The following XKR9 variants were observed in gnomAD, a reference collection of about 807,000 sequenced individuals.
XKR9 encodes the protein XK-related protein 9.
In XKR9, 32 loss-of-function variants were observed where a neutral mutation model predicts 32.0. That is an observed-to-expected ratio of 1.00 (90% CI 0.76 to 1.34). The LOEUF is 1.34. Ranked by LOEUF, XKR9 falls within the 40% of genes most tolerant of loss-of-function variation. XKR9 has a pLI of 0.00. For synonymous variants in XKR9, 168 were observed against 143.4 expected (o/e 1.17, Z -1.22); for missense variants, 546 against 429.7 (o/e 1.27, Z -2.39).
rs1248137670 is a variant in XKR9, at chr8:70,746,128, C to T, written n.352+38975C>T. On this transcript the variant is annotated intron_variant and non_coding_transcript_variant, in intron 2 of 3. Transcript: ENST00000520273. ...ATTTTGTGAAAGTGGGACTTAAGTA[C>T]TTTTTTAAAATGTTAAACAGCATAT... Among the ~76,000 whole-genome samples, 5 of 151,208 alleles carry T rather than the reference C, an allele frequency of 3.3e-5. No individual in the cohort carries two copies. In the East Asian group the frequency reaches 9.6e-4, roughly 29 times the overall value.
Position 70,761,619 on chromosome 8 carries a change from G to A in XKR9, n.353-27720G>A, listed in dbSNP as rs193039341. ...ATTAGACCTTTGTCAGATGCAGTTC[G>A]CAAACATTTTCTTTCATTCTGTAAG... On this transcript the variant is annotated intron_variant and non_coding_transcript_variant, in intron 2 of 3. Coordinates refer to the XKR9 transcript ENST00000520273. Among the ~76,000 whole-genome samples, 5 of 151,890 alleles carry A rather than the reference G, an allele frequency of 3.3e-5. No homozygotes were observed. In the East Asian group the frequency reaches 5.8e-4, roughly 18 times the overall value.
the XKR9 span, among the ~76,000 whole-genome samples, chr8:70,853,315 GA>G: frequency 1.3e-5 from 2 of 151,842 alleles, no homozygotes; most frequent in Admixed American, 6.6e-5. Context: ...AAAATAGTTA[GA>G]AAAAATAGAT....
the XKR9 span, among the ~76,000 whole-genome samples, chr8:70,917,931 C>T: frequency 6.6e-6 from 1 of 152,172 alleles, no homozygotes; most frequent in Non-Finnish European, 1.5e-5. Context: ...CCATGCCCCA[C>T]ACTTAGAACA....
chr8:70,830,105 A>G, the XKR9 span, among the ~76,000 whole-genome samples: 1 of 152,158 alleles, frequency 6.6e-6, no homozygotes, highest in Admixed American at 6.5e-5. Flanking sequence ...TATGTATAGA[A>G]ATTTTAAAAG....
the XKR9 span, among the ~76,000 whole-genome samples, chr8:70,877,166 A>G: frequency 6.6e-6 from 1 of 152,070 alleles, no homozygotes; most frequent in African/African-American, 2.4e-5. Flanking sequence ...TTTCCTTTGA[A>G]AACCATCAGA....
At chr8:71,041,483 G>A in the XKR9 span, among the ~76,000 whole-genome samples, 4 of 152,138 alleles carry the variant, frequency 2.6e-5, no homozygotes, top group African/African-American at 7.2e-5. Flanking sequence ...AAATTCCTAT[G>A]TGTTCACTAT....
the XKR9 span, among the ~76,000 whole-genome samples, chr8:70,853,544 CT>C: frequency 7.4e-5 from 11 of 148,224 alleles, no homozygotes; most frequent in South Asian, 2.2e-4. Context: ...AAAAGACATT[CT>C]TTTTTTTTTA....
In XKR9 at chr8:70,732,278, G is replaced by T. The variant is rs1412996517; in HGVS notation, c.494-1518G>T. ...ACCAAACCAGACACCTTGTAATAGA[G>T]TTACAGCTACAGACACTCTGCCATG... On this transcript the variant is annotated intron_variant, in intron 4 of 4. Coordinates refer to ENST00000408926, the MANE Select transcript of XKR9 (RefSeq NM_001011720.2). Among the ~76,000 whole-genome samples, 6 of 152,240 alleles carry T rather than the reference G, an allele frequency of 3.9e-5. 1 individual carries two copies. The highest frequency in any genetic ancestry group is 8.8e-5 in the Non-Finnish European group (6 of 68,046).
intron 4 of XKR9, among the ~76,000 whole-genome samples, chr8:70,724,121 C>CCATTTTGCT (rs545532150): frequency 2.9e-3 from 447 of 152,250 alleles, no homozygotes; most frequent in Middle Eastern, 0.014. Context: ...CTGGCCACAG[C>CCATTTTGCT]CATTTTGCTG....
At chr8:70,761,937 C>A (rs1378254655) in intron 2 of XKR9, among the ~76,000 whole-genome samples, 1 of 152,002 alleles carries the variant, frequency 6.6e-6, no homozygotes, top group Non-Finnish European at 1.5e-5. Flanking sequence ...TCTCCCAGCA[C>A]CATTTATTAA....
At chr8:71,041,520 T>C in the XKR9 span, among the ~76,000 whole-genome samples, 92,150 of 151,946 alleles carry the variant, frequency 0.61, 29,806 homozygotes, top group East Asian at 0.93. Context: ...TAAGATAAAA[T>C]GATCGAACTC....
At chr8:70,813,495 T>A in the XKR9 span, among the ~76,000 whole-genome samples, 2 of 151,916 alleles carry the variant, frequency 1.3e-5, no homozygotes, top group East Asian at 3.9e-4. Context: ...ACCATCAGAG[T>A]GAACAGGCAA....
chr8:70,926,544 T>G, the XKR9 span, among the ~76,000 whole-genome samples: 1 of 152,224 alleles, frequency 6.6e-6, no homozygotes, highest in Non-Finnish European at 1.5e-5. Context: ...ATAATTTTCT[T>G]TAGAACACAA....
At chr8:70,820,787 A>G in the XKR9 span, among the ~76,000 whole-genome samples, 8 of 152,202 alleles carry the variant, frequency 5.3e-5, no homozygotes, top group East Asian at 1.9e-4. Flanking sequence ...TCATTATCAC[A>G]TGAAGAGCAT....
At chr8:70,920,989 T>C in the XKR9 span, among the ~76,000 whole-genome samples, 1 of 152,330 alleles carries the variant, frequency 6.6e-6, no homozygotes, top group African/African-American at 2.4e-5. Flanking sequence ...GGCAACCAGA[T>C]TGTGGGTTGC....
the XKR9 span, among the ~76,000 whole-genome samples, chr8:71,026,261 C>T: frequency 6.6e-6 from 1 of 152,212 alleles, no homozygotes; most frequent in Non-Finnish European, 1.5e-5. Flanking sequence ...TGGCTTTCCC[C>T]TGTTCCTAAT....
chr8:70,988,891 C>T, the XKR9 span, among the ~76,000 whole-genome samples: 1 of 152,162 alleles, frequency 6.6e-6, no homozygotes, highest in East Asian at 1.9e-4. Context: ...ACTTTAGATA[C>T]TTATTTGAGT....
chr8:70,996,203 TAGTC>T, the XKR9 span, among the ~76,000 whole-genome samples: 2 of 152,222 alleles, frequency 1.3e-5, no homozygotes, highest in Non-Finnish European at 2.9e-5. Flanking sequence ...AGAAATGTAT[TAGTC>T]AGGCAAATAC....
intron 2 of XKR9, among the ~76,000 whole-genome samples, chr8:70,757,004 G>A (rs941925061): frequency 6.6e-5 from 10 of 152,136 alleles, no homozygotes; most frequent in Admixed American, 5.9e-4. Context: ...TTATTAGGTT[G>A]AGGAAATTTC....
Sources: gnomAD v4.1 joint callset for allele counts (sites outside exome capture counted in the v4.1 genomes callset) on GRCh38, gnomAD v4.1.1 for gene constraint, MANE v1.5 for transcripts, NCBI Gene and HGNC (gene_info 2026-07-23, HGNC 2026-07-21) for gene names.